The following ZNF124 variants were observed in gnomAD, a reference collection of about 807,000 sequenced individuals.
ZNF124 encodes zinc finger protein HZF-16.
In ZNF124, 25 loss-of-function variants were observed where a neutral mutation model predicts 26.6. The observed-to-expected ratio is 0.94, with a 90% CI of 0.68 to 1.31. The LOEUF (loss-of-function observed/expected upper bound fraction) is 1.31, where lower values mean the gene tolerates loss of function less well. ZNF124 is among the 40% of genes most tolerant of loss of function. The probability of loss-of-function intolerance (pLI) is 0.00; values close to 1 mark genes in which losing one functional copy is unlikely to be tolerated. For missense variants in ZNF124, 444 were observed against 422.2 expected (o/e 1.05, Z -0.45); for synonymous variants, 129 against 133.3 (o/e 0.97, Z 0.22).
At chr1:247,128,852 G>C (rs1672280184) in intron 3 of ZNF124, among the ~76,000 whole-genome samples, 1 of 150,736 alleles carries the variant, frequency 6.6e-6, no homozygotes, top group African/African-American at 2.4e-5. Context: ...GTTTTCTGGG[G>C]GAGGGTGGGC....
intron 3 of ZNF124, 114 bp downstream of exon 3, chr1:247,158,892 G>T: frequency 1.1e-6 from 1 of 941,578 alleles, no homozygotes; most frequent in Non-Finnish European, 1.6e-6. Flanking sequence ...GCATCCCAAA[G>T]TGCTGGGATT....
intron 3 of ZNF124, among the ~76,000 whole-genome samples, chr1:247,158,106 T>C (rs1230972279): frequency 6.6e-6 from 1 of 152,008 alleles, no homozygotes; most frequent in African/African-American, 2.4e-5. Context: ...AAAAATTAGC[T>C]GGGTGTGGTG....
intron 1 of ZNF124, among the ~76,000 whole-genome samples, chr1:247,165,391 A>G (rs529483859): frequency 2.0e-5 from 3 of 152,340 alleles, no homozygotes; most frequent in African/African-American, 7.2e-5. Flanking sequence ...CCTTCCTTAC[A>G]CCATATACAA....
chr1:247,133,022 T>G (rs549402979), intron 3 of ZNF124, among the ~76,000 whole-genome samples: 1 of 152,124 alleles, frequency 6.6e-6, no homozygotes, highest in African/African-American at 2.4e-5. Flanking sequence ...CAAAAGGAAT[T>G]GCTAACTAGA....
intron 3 of ZNF124, among the ~76,000 whole-genome samples, 177 bp downstream of exon 3, chr1:247,158,829 G>A (rs989111450): frequency 4.6e-5 from 7 of 151,972 alleles, no homozygotes; most frequent in Non-Finnish European, 8.8e-5. Context: ...GGTTTTTGCC[G>A]TGTTGGTCAG....
At chr1:247,138,599 T>TA (rs1672547258) in intron 3 of ZNF124, 1 of 393,782 alleles carries the variant, frequency 2.5e-6, no homozygotes. Context: ...TTAGAAGAAA[T>TA]AAAACATAAA....
At chr1:247,159,129 C>A in intron 2 of ZNF124, 63 bp from the exon 3 acceptor site, 2 of 1,486,980 alleles carry the variant, frequency 1.3e-6, no homozygotes, top group Non-Finnish European at 1.8e-6. Flanking sequence ...TTACTAGACT[C>A]TAGGTGCTAT....
chr1:247,149,067 A>G (rs1286575602), intron 3 of ZNF124, among the ~76,000 whole-genome samples: 1 of 152,188 alleles, frequency 6.6e-6, no homozygotes, highest in East Asian at 1.9e-4. Context: ...TCTTTATTAA[A>G]TTGTCCAGGT....
At chr1:247,130,818 C>G (rs1460772187) in intron 3 of ZNF124, among the ~76,000 whole-genome samples, 3 of 152,168 alleles carry the variant, frequency 2.0e-5, no homozygotes, top group African/African-American at 7.2e-5. Context: ...TGGCTCACGC[C>G]TGTAATCCCA....
At chr1:247,125,708 C>A (rs1311878991) in intron 3 of ZNF124, among the ~76,000 whole-genome samples, 3 of 123,730 alleles carry the variant, frequency 2.4e-5, no homozygotes, top group Non-Finnish European at 5.3e-5. Context: ...CCGCACCCAG[C>A]CATCTGTTTA....
chr1:247,128,617 T>TA (rs1264813415), intron 3 of ZNF124, among the ~76,000 whole-genome samples: 5 of 151,130 alleles, frequency 3.3e-5, no homozygotes, highest in African/African-American at 9.7e-5. Context: ...CACTAGGACT[T>TA]AGATTTTTTT....
chr1:247,133,799 A>G (rs1299991072), intron 3 of ZNF124, among the ~76,000 whole-genome samples: 1 of 151,818 alleles, frequency 6.6e-6, no homozygotes, highest in Non-Finnish European at 1.5e-5. Context: ...GATTACAGGC[A>G]TGCACCACCA....
In ZNF124 at chr1:247,164,990, G is replaced by A. The variant is rs183016146; in HGVS notation, c.31-5177C>T. Among the ~76,000 whole-genome samples, 371 of 151,258 alleles carry A rather than the reference G, an allele frequency of 2.5e-3. 1 individual carries two copies. The highest frequency in any genetic ancestry group is 8.2e-3 in the African/African-American group (339 of 41,184). ...CTGATTTTTTTTTTTTTCTTGAGAC[G>A]GAGTCTTGCTCTGTCACCCAGGCTG... On this transcript the variant is annotated intron_variant, in intron 1 of 3. Coordinates refer to ENST00000543802, the MANE Select transcript of ZNF124 (RefSeq NM_001297568.2).
At chr1:247,151,361 C>T (rs754116270), downstream of ZNF124, among the ~76,000 whole-genome samples, 5 of 151,962 alleles carry the variant, frequency 3.3e-5, no homozygotes, top group Admixed American at 6.6e-5. Flanking sequence ...CGCCTGTAGT[C>T]CCAGCTACTC....
chr1:247,152,689 G>A (rs1672979523), downstream of ZNF124, among the ~76,000 whole-genome samples: 1 of 152,136 alleles, frequency 6.6e-6, no homozygotes, highest in Non-Finnish European at 1.5e-5. Context: ...GTGTCACACA[G>A]AAAAACAATC....
intron 1 of ZNF124, among the ~76,000 whole-genome samples, chr1:247,165,726 C>T (rs1673742797): frequency 6.6e-6 from 1 of 151,960 alleles, no homozygotes; most frequent in African/African-American, 2.4e-5. Flanking sequence ...AAAGAGGAAA[C>T]AAGAATGAAA....
intron 1 of ZNF124, among the ~76,000 whole-genome samples, chr1:247,164,589 GA>G (rs146494922): frequency 6.9e-5 from 10 of 145,328 alleles, no homozygotes; most frequent in Admixed American, 2.1e-4. Flanking sequence ...ATGCTGCTGG[GA>G]AAAAAAAAAC....
intron 3 of ZNF124, among the ~76,000 whole-genome samples, chr1:247,125,394 C>G (rs946584367): frequency 6.2e-5 from 9 of 144,626 alleles, no homozygotes; most frequent in African/African-American, 2.3e-4. Flanking sequence ...GTGAGGGTTC[C>G]AATTTCTCCG....
At chr1:247,124,951 C>T (rs939822619) in intron 3 of ZNF124, among the ~76,000 whole-genome samples, 1 of 152,132 alleles carries the variant, frequency 6.6e-6, no homozygotes, top group Admixed American at 6.5e-5. Context: ...GCACACACCG[C>T]CATGCCCGGC....
Sources: allele counts gnomAD v4.1 joint callset (sites outside exome capture counted in the v4.1 genomes callset), GRCh38; gene constraint gnomAD v4.1.1; transcripts MANE v1.5; gene names NCBI Gene and HGNC (gene_info 2026-07-23, HGNC 2026-07-21).